DDX1: variants seen among roughly 807,000 people sequenced by gnomAD.
The protein encoded by DDX1 is DEAD-box helicase 1, also known as ATP-dependent RNA helicase DDX1.
A neutral mutation model predicts 108.7 loss-of-function variants in DDX1; 28 were observed. That is an observed-to-expected ratio of 0.26 (90% CI 0.19 to 0.35). DDX1 has a LOEUF of 0.35. DDX1 is among the 10% of genes least tolerant of loss of function. The pLI is 1.00. For missense variants in DDX1, 710 were observed against 884.5 expected (o/e 0.80, Z 2.50); for synonymous variants, 295 against 288.9 (o/e 1.02, Z -0.21).
chr2:15,606,472 G>A (rs35352575), intron 12 of DDX1, among the ~76,000 whole-genome samples: 1 of 152,078 alleles, frequency 6.6e-6, no homozygotes, highest in African/African-American at 2.4e-5. Context: ...TTTTGGGATC[G>A]CAATCATAAC....
intron 18 of DDX1, 87 bp from the exon 19 acceptor site, chr2:15,623,349 C>T (rs1666041562): frequency 1.6e-6 from 2 of 1,238,372 alleles, no homozygotes. Flanking sequence ...GAAAATTAAG[C>T]AGTCAGTCTG....
At chr2:15,602,849 G>A (rs1665608791) in intron 7 of DDX1, among the ~76,000 whole-genome samples, 2 of 152,226 alleles carry the variant, frequency 1.3e-5, no homozygotes, top group African/African-American at 4.8e-5. Context: ...GAGTAGCTGG[G>A]ATTACAGGCG....
chr2:15,593,443 C>T (rs1665450195), intron 1 of DDX1, among the ~76,000 whole-genome samples: 1 of 152,154 alleles, frequency 6.6e-6, no homozygotes, highest in African/African-American at 2.4e-5. Flanking sequence ...ACTGGAATTT[C>T]ACGAATGTTT....
At chr2:15,602,726 A>G (rs2148738962) in intron 7 of DDX1, 95 bp downstream of exon 7, 2 of 984,758 alleles carry the variant, frequency 2.0e-6, no homozygotes, top group South Asian at 1.5e-5. Flanking sequence ...TTTGAGATGG[A>G]GTCTCGCACG....
chr2:15,627,993 G>A (rs1366495119), intron 20 of DDX1, among the ~76,000 whole-genome samples: 1 of 151,978 alleles, frequency 6.6e-6, no homozygotes, highest in East Asian at 1.9e-4. Flanking sequence ...AGCACCAGGG[G>A]CCTACCCTCA....
At chr2:15,600,740 CTTTTTTTTTTTTTTT>C (rs1157559293) in intron 6 of DDX1, among the ~76,000 whole-genome samples, 2 of 73,536 alleles carry the variant, frequency 2.7e-5, no homozygotes, top group African/African-American at 6.0e-5. Flanking sequence ...TTTGCATTTT[CTTTTTTTTTTTTTTT>C]TTTTTTTTTT....
At chr2:15,595,004 C>G in intron 1 of DDX1, 141 bp from the exon 2 acceptor site, 2 of 578,652 alleles carry the variant, frequency 3.5e-6, no homozygotes, top group Non-Finnish European at 5.9e-6. Context: ...TGTGCTCTTT[C>G]AACAGTGCCA....
intron 12 of DDX1, 59 bp downstream of exon 12, chr2:15,606,323 CAGTA>C: frequency 7.9e-7 from 1 of 1,267,308 alleles, no homozygotes; most frequent in Non-Finnish European, 1.1e-6. Flanking sequence ...ATGAGAACTC[CAGTA>C]AGTAAGGCGT....
intron 12 of DDX1, among the ~76,000 whole-genome samples, chr2:15,606,901 C>T (rs1390258108): frequency 6.6e-6 from 1 of 152,178 alleles, no homozygotes. Flanking sequence ...TAGCTCACTG[C>T]AGCCTTGAAT....
intron 13 of DDX1, among the ~76,000 whole-genome samples, chr2:15,612,643 G>T (rs1665795159): frequency 6.6e-6 from 1 of 151,980 alleles, no homozygotes. Context: ...CACTTTGGGA[G>T]GCCAAGGCAG....
chr2:15,595,124 A>T, intron 1 of DDX1, 21 bp from the exon 2 acceptor site: 1 of 1,587,888 alleles, frequency 6.3e-7, no homozygotes, highest in Non-Finnish European at 8.6e-7. Flanking sequence ...TGTGGTTTTT[A>T]AAATTAATTT....
At chr2:15,621,181 C>A in intron 18 of DDX1, 65 bp downstream of exon 18, 2 of 1,145,418 alleles carry the variant, frequency 1.7e-6, no homozygotes, top group Admixed American at 1.9e-5. Context: ...TACCTATTCT[C>A]ATGAAGGATG....
Position 15,597,450 on chromosome 2 carries a change from A to G in DDX1, c.238A>G (p.Thr80Ala). The G allele has an allele frequency of 1.2e-6, 2 of 1,606,588 alleles. No homozygotes were observed. The highest frequency in any genetic ancestry group is 1.7e-6 in the Non-Finnish European group (2 of 1,176,324). The change falls in exon 5 of 26, where the codon ACA (threonine) becomes GCA (alanine). Residue 80 changes from threonine to alanine, a missense_variant. By Grantham distance (58) the Thr-to-Ala change is moderately conservative. Coordinates refer to ENST00000233084, the MANE Select transcript of DDX1 (RefSeq NM_004939.3). The part of the protein sequence containing the change: ...DQQEGKKGKT[T>A]IKTGASVLNK... Reference sequence around the variant, plus strand: ...ACAGGAAGGCAAAAAAGGAAAAACAACAATTAAAACTGGTGCTTCAGGTAA... The same window carrying G: ...ACAGGAAGGCAAAAAAGGAAAAACAGCAATTAAAACTGGTGCTTCAGGTAA...
chr2:15,602,335 A>G (rs902895847), intron 6 of DDX1, among the ~76,000 whole-genome samples: 7 of 152,238 alleles, frequency 4.6e-5, no homozygotes, highest in African/African-American at 1.7e-4. Flanking sequence ...CAACATAGCC[A>G]AGGACACCCA....
At chr2:15,595,978 C>T (rs1477555088) in intron 3 of DDX1, among the ~76,000 whole-genome samples, 2 of 152,010 alleles carry the variant, frequency 1.3e-5, no homozygotes, top group African/African-American at 2.4e-5. Context: ...TCAAACTCCT[C>T]GGTTCAAGCA....
intron 12 of DDX1, 134 bp from the exon 13 acceptor site, chr2:15,607,041 G>A: frequency 1.1e-6 from 1 of 892,316 alleles, no homozygotes; most frequent in South Asian, 1.9e-5. Context: ...GGTTTATTCT[G>A]TTTGACTGTC....
chr2:15,613,694 G>A (rs952869875), intron 14 of DDX1, among the ~76,000 whole-genome samples: 1 of 152,160 alleles, frequency 6.6e-6, no homozygotes, highest in Non-Finnish European at 1.5e-5. Context: ...TGATAAGACA[G>A]TGGGTAATAG....
At chr2:15,607,133 A>C (rs1227594788) in intron 12 of DDX1, 42 bp from the exon 13 acceptor site, 11 of 1,581,102 alleles carry the variant, frequency 7.0e-6, no homozygotes, top group African/African-American at 6.7e-5. Flanking sequence ...CAGTATTATA[A>C]AGTGTGCTTT....
intron 23 of DDX1, 114 bp downstream of exon 23, chr2:15,628,953 A>C: frequency 1.0e-6 from 1 of 957,856 alleles, no homozygotes; most frequent in Non-Finnish European, 1.6e-6. Context: ...TATGGAATAC[A>C]AATGAACTTT....
Sources: gnomAD v4.1 joint callset for allele counts (sites outside exome capture counted in the v4.1 genomes callset) on GRCh38, gnomAD v4.1.1 for gene constraint, MANE v1.5 for transcripts, NCBI Gene and HGNC (gene_info 2026-07-23, HGNC 2026-07-21) for gene names.